HDGFL3: variants seen among roughly 807,000 people sequenced by gnomAD.
The protein encoded by HDGFL3 is HDGF like 3, also known as hepatoma-derived growth factor-related protein 3.
HDGFL3 carries 6 observed loss-of-function variants against 27.6 expected under a neutral mutation model. The ratio of observed to expected loss-of-function variants is 0.22; its 90% CI spans 0.12 to 0.43. HDGFL3 has a LOEUF of 0.43. Among genes scored for constraint, HDGFL3 ranks in the 20% least tolerant of loss-of-function variants. The pLI is 1.00. For missense variants in HDGFL3, 207 were observed against 250.1 expected, an observed-to-expected ratio of 0.83 and a Z score of 1.16; for synonymous variants, 88 against 88.9, an observed-to-expected ratio of 0.99 and a Z score of 0.05.
intron 1 of HDGFL3, chr15:83,169,117 T>C (rs2037209562): frequency 3.3e-6 from 1 of 306,294 alleles, no homozygotes; most frequent in Non-Finnish European, 6.6e-6. Flanking sequence ...GGAACATATC[T>C]CAAAATAAGA....
chr15:83,158,405 T>C (rs1230276347), intron 2 of HDGFL3, among the ~76,000 whole-genome samples: 1 of 152,180 alleles, frequency 6.6e-6, no homozygotes, highest in Non-Finnish European at 1.5e-5. Context: ...TTACCACAGG[T>C]AAGGGTTTTG....
Position 83,136,474 on chromosome 15 carries a change from G to T in HDGFL3, c.*2796C>A, listed in dbSNP as rs1411756113. On this transcript the variant is annotated 3_prime_UTR_variant, in exon 6 of 6. Transcript: ENST00000299633. ...CTTACTCAATTTTTTTTTTTTAAAT[G>T]CAACAGGCTCAGTTTTCTCACATTG... is the stretch of plus-strand genomic sequence containing the variant. 4 of 1,563,026 alleles carry T rather than the reference G, an allele frequency of 2.6e-6. No homozygotes were observed. The highest frequency in any genetic ancestry group is 2.1e-5 in the Admixed American group (1 of 47,100).
At chr15:83,164,365 ACC>A in intron 1 of HDGFL3, among the ~76,000 whole-genome samples, 1 of 126,254 alleles carries the variant, frequency 7.9e-6, no homozygotes. Flanking sequence ...AATTAGAGTA[ACC>A]AAAAAAAAAA....
chr15:83,152,704 A>G (rs1308275329), intron 4 of HDGFL3, among the ~76,000 whole-genome samples: 3 of 151,630 alleles, frequency 2.0e-5, no homozygotes, highest in African/African-American at 7.3e-5. Context: ...AAAAAACAAA[A>G]AAAGAGAAAA....
intron 2 of HDGFL3, among the ~76,000 whole-genome samples, chr15:83,161,423 A>C (rs1484292598): frequency 6.6e-6 from 1 of 152,208 alleles, no homozygotes; most frequent in Non-Finnish European, 1.5e-5. Flanking sequence ...GGCCTCCCAA[A>C]GTGCTGGTAT....
Position 83,136,426 on chromosome 15 carries a change from C to T in HDGFL3, c.*2844G>A, listed in dbSNP as rs1337874729. The stretch of plus-strand genomic sequence containing the variant: ...AATGAACCATTCAGAACTCATCATG[C>T]ATCCAACTGAACACGTTTCATGCTT... On this transcript the variant is annotated 3_prime_UTR_variant, in exon 6 of 6. Coordinates refer to ENST00000299633, the MANE Select transcript of HDGFL3 (RefSeq NM_016073.4). 14 of 1,467,284 alleles carry T rather than the reference C, an allele frequency of 9.5e-6. No individual in the cohort carries two copies. The African/African-American group carries it at 2.0e-4, about 21-fold the overall frequency. 90.9% of individuals were successfully genotyped at this position (1,467,284 alleles called of 1,614,324 possible). A position where few individuals can be genotyped will look rare whatever the true frequency, so the allele number is the denominator to read the frequency against.
rs1356706461 is a variant in HDGFL3 at position 83,163,911 on chromosome 15, A to G, written c.161+88T>C. On this transcript the variant is annotated intron_variant, in intron 2 of 5. Transcript: ENST00000299633. ...TATATAACTGATTATAATGATTTTA[A>G]TAAGACGTAAGATGTCAGAGATCAT... 6 of 844,800 alleles carry G rather than the reference A, an allele frequency of 7.1e-6. 1 individual carries two copies. The highest frequency in any genetic ancestry group is 4.5e-4 in the Middle Eastern group (2 of 4,426). 52.3% of individuals were successfully genotyped at this position (844,800 alleles called of 1,614,324 possible).
chr15:83,164,993 T>G (rs995170168), intron 1 of HDGFL3, among the ~76,000 whole-genome samples: 2 of 152,214 alleles, frequency 1.3e-5, no homozygotes, highest in Non-Finnish European at 2.9e-5. Context: ...CAATGTTCAA[T>G]TACAAAAGTG....
At chr15:83,185,727 T>G (rs1258092788) in intron 1 of HDGFL3, among the ~76,000 whole-genome samples, 1 of 152,212 alleles carries the variant, frequency 6.6e-6, no homozygotes, top group African/African-American at 2.4e-5. Context: ...AGGTTGTTTC[T>G]AAAATGGCTT....
rs868235808 is a variant in HDGFL3 at position 83,130,105 on chromosome 15, A to G, written c.*9165T>C. The G allele has an allele frequency of 4.6e-5, 7 of 152,244 alleles. No homozygotes were observed. The highest frequency in any genetic ancestry group is 1.3e-4 in the Admixed American group (2 of 15,282). The allele number at this position is 152,244 out of a possible 1,614,324, so 9.4% of individuals were successfully genotyped here. A position where few individuals can be genotyped will look rare whatever the true frequency, so the allele number is the denominator to read the frequency against. The stretch of plus-strand genomic sequence containing the variant: ...CCCTGATGCAGGAATGCTAAGTGTC[A>G]TCAGCCAGCAGGCTGGTTAAAGAGA... On this transcript the variant is annotated 3_prime_UTR_variant, in exon 6 of 6. Coordinates refer to ENST00000299633, the MANE Select transcript of HDGFL3 (RefSeq NM_016073.4).
chr15:83,147,814 C>A (rs1352690694), intron 5 of HDGFL3, among the ~76,000 whole-genome samples: 1 of 152,016 alleles, frequency 6.6e-6, no homozygotes, highest in South Asian at 2.1e-4. Context: ...AGTCTGATTG[C>A]TAAAAATATC....
At chr15:83,119,726 G>T in intron 3 of HDGFL3, 3 of 1,611,958 alleles carry the variant, frequency 1.9e-6, no homozygotes, top group Non-Finnish European at 2.5e-6. Context: ...CTTAGCAACC[G>T]ATAAGCGGGT....
intron 1 of HDGFL3, among the ~76,000 whole-genome samples, chr15:83,180,544 G>T (rs1423163420): frequency 1.3e-5 from 2 of 151,746 alleles, no homozygotes; most frequent in African/African-American, 4.8e-5. Flanking sequence ...AGGGGCAGAA[G>T]GGAAAATCAC....
exon 4 of HDGFL3, chr15:83,114,015 AT>A (rs897576906): frequency 6.6e-6 from 1 of 152,172 alleles, no homozygotes; most frequent in African/African-American, 2.4e-5. Flanking sequence ...AAATGATGTA[AT>A]TTGCCTAAGG....
intron 5 of HDGFL3, among the ~76,000 whole-genome samples, chr15:83,147,242 T>C (rs1446554140): frequency 6.6e-6 from 1 of 152,048 alleles, no homozygotes; most frequent in Non-Finnish European, 1.5e-5. Context: ...TTTGTATTTT[T>C]AGTATGGTGT....
chr15:83,201,577 A>G (rs750980675), intron 1 of HDGFL3, among the ~76,000 whole-genome samples: 5 of 152,206 alleles, frequency 3.3e-5, no homozygotes, highest in Non-Finnish European at 5.9e-5. Flanking sequence ...TACTTTTCTA[A>G]TGCAAACAGG....
intron 5 of HDGFL3, among the ~76,000 whole-genome samples, chr15:83,140,649 T>C (rs1027412602): frequency 2.0e-5 from 3 of 151,936 alleles, no homozygotes; most frequent in African/African-American, 7.3e-5. Flanking sequence ...GCCCGGCTAA[T>C]TTTTGTATTT....
downstream of HDGFL3, among the ~76,000 whole-genome samples, chr15:83,124,447 G>C (rs940046687): frequency 3.3e-5 from 5 of 152,018 alleles, no homozygotes; most frequent in African/African-American, 1.2e-4. Context: ...AGAGCTACAA[G>C]AGCCCTTCGA....
intron 1 of HDGFL3, among the ~76,000 whole-genome samples, chr15:83,201,370 CAAGT>C (rs946597659): frequency 1.9e-4 from 29 of 152,160 alleles, no homozygotes; most frequent in African/African-American, 5.6e-4. Context: ...TTGTCACTGA[CAAGT>C]AACATTCACA....
Sources: gnomAD v4.1 joint callset for allele counts (sites outside exome capture counted in the v4.1 genomes callset) on GRCh38, gnomAD v4.1.1 for gene constraint, MANE v1.5 for transcripts, NCBI Gene and HGNC (gene_info 2026-07-23, HGNC 2026-07-21) for gene names.